SH3PXD2A: variants seen among roughly 807,000 people sequenced by gnomAD.
SH3PXD2A encodes SH3 and PX domain-containing protein 2A.
In SH3PXD2A, 32 loss-of-function variants were observed where a neutral mutation model predicts 115.2. That is an observed-to-expected ratio of 0.28 (90% CI 0.21 to 0.37). SH3PXD2A has a LOEUF of 0.37. Among genes scored for constraint, SH3PXD2A ranks in the 10% least tolerant of loss-of-function variants. SH3PXD2A has a pLI of 1.00. For synonymous variants in SH3PXD2A, 610 were observed against 629.1 expected (o/e 0.97, Z 0.45); for missense variants, 1,328 against 1,498.7 (o/e 0.89, Z 1.88).
chr10:103,698,050 A>G (rs1190991072), intron 5 of SH3PXD2A, among the ~76,000 whole-genome samples: 1 of 152,230 alleles, frequency 6.6e-6, no homozygotes, highest in Non-Finnish European at 1.5e-5. Context: ...CAATGCTCCA[A>G]AGGGGCCACG....
At chr10:103,847,525 A>C (rs1842858476) in intron 1 of SH3PXD2A, among the ~76,000 whole-genome samples, 1 of 152,086 alleles carries the variant, frequency 6.6e-6, no homozygotes, top group African/African-American at 2.4e-5. Context: ...GGGTCTTGCT[A>C]CATTGTCCAG....
chr10:103,681,576 T>G (rs2037608438), intron 6 of SH3PXD2A, among the ~76,000 whole-genome samples: 1 of 152,200 alleles, frequency 6.6e-6, no homozygotes, highest in Non-Finnish European at 1.5e-5. Flanking sequence ...TAACCCTGTC[T>G]CTACTAAAAA....
At position 103,665,884 on chromosome 10, in the gene SH3PXD2A, C is replaced by T. The variant is rs2037378037; in HGVS notation, c.472+2724G>A. Among the ~76,000 whole-genome samples, 1 of 152,152 alleles carries T rather than the reference C, an allele frequency of 6.6e-6. No individual in the cohort carries two copies. The highest frequency in any genetic ancestry group is 2.4e-5 in the African/African-American group (1 of 41,444). ...CCTCTTCTAGACAGCAGAGCCTCTC[C>T]TGGGTTGGAAGGGGCCTTTGCATGA... is the stretch of plus-strand genomic sequence containing the variant. On this transcript the variant is annotated intron_variant, in intron 7 of 14. Coordinates refer to ENST00000369774, the MANE Select transcript of SH3PXD2A (RefSeq NM_001394015.1). This position sits in a 1 kb window ranked among gnomAD's most constrained non-coding sequence, Gnocchi z 4.0.
At chr10:103,635,538 T>C (rs1485434369) in intron 8 of SH3PXD2A, among the ~76,000 whole-genome samples, 2 of 152,206 alleles carry the variant, frequency 1.3e-5, no homozygotes, top group Admixed American at 6.5e-5. Flanking sequence ...GGGGCTACCA[T>C]GCTCATTCCC....
At chr10:103,807,618 A>C (rs1278338719) in intron 1 of SH3PXD2A, among the ~76,000 whole-genome samples, 3 of 152,232 alleles carry the variant, frequency 2.0e-5, no homozygotes, top group African/African-American at 7.2e-5. Flanking sequence ...TTTACATCCC[A>C]AACTGTGCAC....
chr10:103,623,358 C>T (rs1335312339), intron 9 of SH3PXD2A, among the ~76,000 whole-genome samples: 1 of 152,104 alleles, frequency 6.6e-6, no homozygotes, highest in Non-Finnish European at 1.5e-5. Flanking sequence ...TGGCTCTGAG[C>T]CCCCTGCACC....
At chr10:103,661,524 G>C (rs1162239607) in intron 7 of SH3PXD2A, 1 of 415,868 alleles carries the variant, frequency 2.4e-6, no homozygotes. Context: ...CGGGCCGGCA[G>C]GGGCATCGGG....
chr10:103,807,986 T>C (rs556458022), intron 1 of SH3PXD2A, among the ~76,000 whole-genome samples: 19 of 152,184 alleles, frequency 1.2e-4, no homozygotes, highest in Non-Finnish European at 2.6e-4. Context: ...AAGGTACTAA[T>C]AGGCTCTAAC....
At chr10:103,715,755 C>T (rs906709540) in intron 5 of SH3PXD2A, among the ~76,000 whole-genome samples, 1 of 152,244 alleles carries the variant, frequency 6.6e-6, no homozygotes, top group Non-Finnish European at 1.5e-5. Flanking sequence ...CCGAACAGGC[C>T]AGACCTGGCA....
rs1015120596 is a variant in SH3PXD2A at position 103,596,445 on chromosome 10, A to G, written c.*5371T>C. ...AAAATAATTACAAAAAGAAAAAAAA[A>G]TGACACATTGCACTCTCCAGCCAGA... is the stretch of plus-strand genomic sequence containing the variant. On this transcript the variant is annotated 3_prime_UTR_variant, in exon 15 of 15. Coordinates refer to ENST00000369774, the MANE Select transcript of SH3PXD2A (RefSeq NM_001394015.1). 1 of 151,888 alleles carries G rather than the reference A, an allele frequency of 6.6e-6. No homozygotes were observed. Among genetic ancestry groups the G allele is most frequent in the Non-Finnish European group, 1.5e-5 (1 of 67,886 alleles). 9.4% of individuals were successfully genotyped at this position (151,888 alleles called of 1,614,324 possible).
At chr10:103,823,830 G>C (rs2039403865) in intron 1 of SH3PXD2A, among the ~76,000 whole-genome samples, 1 of 152,212 alleles carries the variant, frequency 6.6e-6, no homozygotes, top group African/African-American at 2.4e-5. Context: ...AGACATGGCT[G>C]AGATGAGGGA....
intron 3 of SH3PXD2A, among the ~76,000 whole-genome samples, chr10:103,742,646 G>A (rs2038456199): frequency 6.6e-6 from 1 of 152,224 alleles, no homozygotes; most frequent in South Asian, 2.1e-4. Flanking sequence ...TGGCCCCAAG[G>A]ACAGGGGTGG....
At chr10:103,721,392 A>G (rs1003926054) in intron 5 of SH3PXD2A, among the ~76,000 whole-genome samples, 4 of 152,198 alleles carry the variant, frequency 2.6e-5, no homozygotes, top group Admixed American at 1.3e-4. Flanking sequence ...TGCCTCCCCA[A>G]CAGCCAAGTG....
In SH3PXD2A at chr10:103,627,262, C is replaced by T. The variant is rs955434781; in HGVS notation, c.605-60G>A. On this transcript the variant is annotated intron_variant, in intron 8 of 14. Coordinates refer to ENST00000369774, the MANE Select transcript of SH3PXD2A (RefSeq NM_001394015.1). This position sits in a 1 kb window ranked among gnomAD's most constrained non-coding sequence, Gnocchi z 4.4. Reference sequence around the variant, plus strand: ...ATTCTGCAGGGTGGCAGGGGTGGCTCGGGGGCCAGGACAAGGATGGAAGGA... The same window carrying T: ...ATTCTGCAGGGTGGCAGGGGTGGCTTGGGGGCCAGGACAAGGATGGAAGGA... 1.2e-5 allele frequency: 12 copies of T among 1,005,748 alleles called. No individual in the cohort carries two copies. Among genetic ancestry groups the T allele is most frequent in the South Asian group, 3.9e-5 (3 of 76,474 alleles). 62.3% of individuals were successfully genotyped at this position (1,005,748 alleles called of 1,614,324 possible). A position where few individuals can be genotyped will look rare whatever the true frequency, so the allele number is the denominator to read the frequency against.
At chr10:103,676,131 G>A (rs2037530382) in intron 6 of SH3PXD2A, among the ~76,000 whole-genome samples, 1 of 149,812 alleles carries the variant, frequency 6.7e-6, no homozygotes, top group African/African-American at 2.4e-5. Context: ...AGGCTGGCCA[G>A]GAATTGGGAA....
intron 1 of SH3PXD2A, among the ~76,000 whole-genome samples, chr10:103,828,699 T>A (rs989871414): frequency 2.6e-5 from 4 of 152,132 alleles, no homozygotes; most frequent in Admixed American, 2.6e-4. Context: ...TGGCCAAGTG[T>A]CTATCTTCAT....
intron 12 of SH3PXD2A, 47 bp from the exon 13 acceptor site, chr10:103,611,677 A>T: frequency 1.4e-6 from 2 of 1,461,754 alleles, no homozygotes; most frequent in East Asian, 4.5e-5. Flanking sequence ...GACGATGGGC[A>T]ACAGTACCCA....
chr10:103,693,310 C>G (rs1488045761), intron 5 of SH3PXD2A: 1 of 150,034 alleles, frequency 6.7e-6, no homozygotes, highest in African/African-American at 2.4e-5. Context: ...CCCGCCCCAG[C>G]CCGCCCCGCT....
At chr10:103,625,039 C>CCA (rs1318427879) in intron 9 of SH3PXD2A, among the ~76,000 whole-genome samples, 1 of 152,182 alleles carries the variant, frequency 6.6e-6, no homozygotes, top group Non-Finnish European at 1.5e-5. Context: ...CACCCACCCC[C>CCA]CACACACATA....
Sources: gnomAD v4.1 joint callset for allele counts (sites outside exome capture counted in the v4.1 genomes callset) on GRCh38, gnomAD v4.1.1 for gene constraint, Gnocchi (gnomAD v3.1) non-coding constraint, MANE v1.5 for transcripts, NCBI Gene and HGNC (gene_info 2026-07-23, HGNC 2026-07-21) for gene names.